Variants in IFITM10 observed in about 807,000 individuals in gnomAD.
IFITM10 encodes interferon induced transmembrane protein 10, also known as interferon-induced transmembrane protein 10.
In IFITM10, 17 loss-of-function variants were observed where a neutral mutation model predicts 19.0. The observed-to-expected ratio is 0.90, with a 90% CI of 0.61 to 1.34. The LOEUF is 1.34. Ranked by LOEUF, IFITM10 falls within the 40% of genes most tolerant of loss-of-function variation. The pLI is 0.00. For missense variants in IFITM10, 306 were observed against 319.8 expected (o/e 0.96, Z 0.33); for synonymous variants, 148 against 147.2 (o/e 1.01, Z -0.04).
chr11:1,746,658 A>G (rs944189565), intron 2 of IFITM10: 5 of 398,522 alleles, frequency 1.3e-5, no homozygotes, highest in East Asian at 1.1e-4. Context: ...AGGATGGAGC[A>G]GAGGCGAAGC....
chr11:1,740,367 C>T (rs1239532646), intron 2 of IFITM10, among the ~76,000 whole-genome samples: 1 of 147,282 alleles, frequency 6.8e-6, no homozygotes, highest in Non-Finnish European at 1.5e-5. Context: ...ATTGAATGGT[C>T]CAGGGGAGGG....
chr11:1,742,817 T>C (rs1024729682), intron 2 of IFITM10, among the ~76,000 whole-genome samples: 14 of 151,686 alleles, frequency 9.2e-5, no homozygotes, highest in African/African-American at 2.7e-4. Flanking sequence ...TTTGGAGGGG[T>C]TGAAGGAAAT....
rs972206149 is a variant in IFITM10 at position 1,732,588 on chromosome 11, G to C, written c.*2692C>G. ...GAGACCAGCGCCGGAGCTGATGCCT[G>C]CTTGCCTGCCTGCTGAGGGCGAGAA... On this transcript the variant is annotated 3_prime_UTR_variant, in exon 3 of 3. Coordinates refer to ENST00000340134, the MANE Select transcript of IFITM10 (RefSeq NM_001170820.4). 1.3e-5 allele frequency: 2 copies of C among 152,414 alleles called. No homozygotes were observed. The highest frequency in any genetic ancestry group is 2.9e-5 in the Non-Finnish European group (2 of 68,198). The allele number at this position is 152,414 out of a possible 1,614,324, so 9.4% of individuals were successfully genotyped here.
chr11:1,748,163 C>G, intron 1 of IFITM10, 44 bp from the exon 2 acceptor site: 1 of 1,272,700 alleles, frequency 7.9e-7, no homozygotes, highest in Non-Finnish European at 1.0e-6. Flanking sequence ...GGCCTACCGG[C>G]CAGCACCCAC....
chr11:1,746,539 G>A, intron 2 of IFITM10: 1 of 398,646 alleles, frequency 2.5e-6, no homozygotes, highest in Non-Finnish European at 4.4e-6. Context: ...CGAGGTTGAA[G>A]GTGCCCGTGC....
intron 1 of IFITM10, 41 bp from the exon 2 acceptor site, chr11:1,748,160 C>T (rs1273653543): frequency 7.0e-6 from 9 of 1,279,530 alleles, no homozygotes; most frequent in Non-Finnish European, 9.0e-6. Flanking sequence ...CCCGGCCTAC[C>T]GGCCAGCACC....
In IFITM10 at chr11:1,750,405, C is replaced by T. The variant is rs762624334; in HGVS notation, c.38G>A (p.Ser13Asn). The part of the protein sequence containing the change: ...EGKRGPPCIL[S>N]FRGTLERVEA... ...GACCCTCTCCAAAGTCCCCCGGAAGCTGAGGATGCATGGCGGCCCCCGTTT... is the reference window on the plus strand; with the variant it reads ...GACCCTCTCCAAAGTCCCCCGGAAGTTGAGGATGCATGGCGGCCCCCGTTT... Residue 13 changes from serine to asparagine, a missense_variant, in exon 1 of 3, where the codon AGC becomes AAC. By Grantham distance (46) the Ser-to-Asn change is conservative (BLOSUM62 1). Coordinates refer to ENST00000340134, the MANE Select transcript of IFITM10 (RefSeq NM_001170820.4). The T allele has an allele frequency of 7.7e-6, 12 of 1,550,506 alleles. No homozygotes were observed. Among genetic ancestry groups the T allele is most frequent in the Non-Finnish European group, 8.7e-6 (10 of 1,146,974 alleles).
chr11:1,748,079 G>T lies in IFITM10; in HGVS notation c.125C>A (p.Pro42Gln). The T allele has an allele frequency of 1.4e-6, 2 of 1,413,504 alleles. No homozygotes were observed. Among genetic ancestry groups the T allele is most frequent in the Non-Finnish European group, 1.8e-6 (2 of 1,090,792 alleles). The allele number at this position is 1,413,504 out of a possible 1,614,324, so 87.6% of individuals were successfully genotyped here. The part of the protein sequence containing the change: ...PGQCPAPLGD[P>Q]ASTTDGAQEA... ...CTGGGCGCCGTCCGTGGTGCTGGCC[G>T]GGTCTCCCAGCGGGGCTGGGCACTG... The change falls in exon 2 of 3, where the codon CCG becomes CAG. Residue 42 changes from proline to glutamine, a missense_variant. Coordinates refer to ENST00000340134, the MANE Select transcript of IFITM10 (RefSeq NM_001170820.4).
intron 2 of IFITM10, among the ~76,000 whole-genome samples, chr11:1,744,056 C>T (rs1430569178): frequency 6.6e-6 from 1 of 152,224 alleles, no homozygotes; most frequent in Non-Finnish European, 1.5e-5. Context: ...CCTGAAACAC[C>T]TTTCCCCTCA....
chr11:1,732,559 G>A lies in IFITM10; in HGVS notation c.*2721C>T, dbSNP rs565284571. On this transcript the variant is annotated 3_prime_UTR_variant, in exon 3 of 3. Transcript: ENST00000340134. ...GACAGGCAAAGACACAGACTTCGAA[G>A]CCAGAGACCAGCGCCGGAGCTGATG... 5.9e-5 allele frequency: 9 copies of A among 152,472 alleles called. No homozygotes were observed. Among genetic ancestry groups the A allele is most frequent in the African/African-American group, 2.2e-4 (9 of 41,580 alleles). 9.4% of individuals were successfully genotyped at this position (152,472 alleles called of 1,614,324 possible).
rs1322513587 is a variant in IFITM10 at position 1,750,246 on chromosome 11, C to T, written c.84+113G>A. ...TTGACGCCAGCTGATCTTCCATCCC[C>T]ATAACAGTCCCCATGAGTTCCTCCC... On this transcript the variant is annotated intron_variant, in intron 1 of 2. Transcript: ENST00000340134. 4 of 1,525,830 alleles carry T rather than the reference C, an allele frequency of 2.6e-6. No homozygotes were observed. The South Asian group carries it at 3.6e-5, about 14-fold the overall frequency. The allele number at this position is 1,525,830 out of a possible 1,614,324, so 94.5% of individuals were successfully genotyped here.
At chr11:1,743,955 G>A (rs1214957369) in intron 2 of IFITM10, among the ~76,000 whole-genome samples, 1 of 152,174 alleles carries the variant, frequency 6.6e-6, no homozygotes, top group South Asian at 2.1e-4. Context: ...CACTCTTCCA[G>A]GAATGTCTTC....
In IFITM10 at chr11:1,735,172, ACAAGAAGC is replaced by A; in HGVS notation, c.*100_*107del. 2.4e-6 allele frequency: 3 copies of A among 1,269,368 alleles called. No individual in the cohort carries two copies. The highest frequency in any genetic ancestry group is 3.2e-6 in the Non-Finnish European group (3 of 925,244). The allele number at this position is 1,269,368 out of a possible 1,614,324, so 78.6% of individuals were successfully genotyped here. On this transcript the variant is annotated 3_prime_UTR_variant, in exon 3 of 3. Coordinates refer to ENST00000340134, the MANE Select transcript of IFITM10 (RefSeq NM_001170820.4). Reference sequence around the variant, plus strand: ...GTTCACAGCTCAAGGGGGCCCCAGGACAAGAAGCCCTGCCCTGCCCCAACCTCATGGGA... The same window carrying A: ...GTTCACAGCTCAAGGGGGCCCCAGGACCTGCCCTGCCCCAACCTCATGGGA...
At chr11:1,744,792 T>C (rs1845619333) in intron 2 of IFITM10, 1 of 152,566 alleles carries the variant, frequency 6.6e-6, no homozygotes, top group South Asian at 2.1e-4. Context: ...TGTGAACAGA[T>C]GAGGGAACAG....
intron 2 of IFITM10, among the ~76,000 whole-genome samples, chr11:1,743,364 A>G (rs1845593932): frequency 2.0e-5 from 3 of 148,432 alleles, no homozygotes; most frequent in Admixed American, 2.0e-4. Context: ...GAGGATGGAC[A>G]GATGGAGGAT....
At chr11:1,749,215 G>GC in intron 1 of IFITM10, 1 of 499,334 alleles carries the variant, frequency 2.0e-6, no homozygotes, top group South Asian at 8.4e-5. Flanking sequence ...CAGACCGGCC[G>GC]CGCGGCTGCA....
At chr11:1,735,552 A>G (rs2133639503) in intron 2 of IFITM10, 123 bp from the exon 3 acceptor site, 1 of 878,732 alleles carries the variant, frequency 1.1e-6, no homozygotes, top group Non-Finnish European at 1.7e-6. Context: ...TGTTTCCGAG[A>G]GCTGACGAAT....
At position 1,734,266 on chromosome 11, in the gene IFITM10, C is replaced by T. The variant is rs553611185; in HGVS notation, c.*1014G>A. ...GAGCCCATCCCTGCATCCTGCCTCCCACATTGTGGACTGCACATGCCATGG... is the reference window on the plus strand; with the variant it reads ...GAGCCCATCCCTGCATCCTGCCTCCTACATTGTGGACTGCACATGCCATGG... On this transcript the variant is annotated 3_prime_UTR_variant, in exon 3 of 3. Transcript: ENST00000340134. 1 of 152,474 alleles carries T rather than the reference C, an allele frequency of 6.6e-6. No homozygotes were observed. Among genetic ancestry groups the T allele is most frequent in the African/African-American group, 2.4e-5 (1 of 41,590 alleles). 9.4% of individuals were successfully genotyped at this position (152,474 alleles called of 1,614,324 possible). A position where few individuals can be genotyped will look rare whatever the true frequency, so the allele number is the denominator to read the frequency against.
rs1845671104 is a variant in IFITM10 at position 1,748,035 on chromosome 11, C to T, written c.169G>A (p.Asp57Asn). The T allele has an allele frequency of 9.1e-6, 13 of 1,426,548 alleles. No individual in the cohort carries two copies. Among genetic ancestry groups the T allele is most frequent in the Non-Finnish European group, 1.2e-5 (13 of 1,095,164 alleles). 88.4% of individuals were successfully genotyped at this position (1,426,548 alleles called of 1,614,324 possible). ...GGCCTCGGAATCCAGAAGGCCCCGT[C>T]CAGGGGGACTCGGGCTTCCTGGGCG... Reference protein sequence around the residue: ...DGAQEARVPLDGAFWIPRPPA... With the variant: ...DGAQEARVPLNGAFWIPRPPA... The change falls in exon 2 of 3, where the codon GAC becomes AAC. Residue 57 changes from aspartate (D) to asparagine (N), a missense_variant. Physicochemically the swap from Asp to Asn is conservative, Grantham distance 23. Transcript: ENST00000340134.
Sources: allele counts gnomAD v4.1 joint callset (sites outside exome capture counted in the v4.1 genomes callset), GRCh38; gene constraint gnomAD v4.1.1; transcripts MANE v1.5; gene names NCBI Gene and HGNC (gene_info 2026-07-23, HGNC 2026-07-21).